The following DLGAP2 variants were observed in gnomAD, a reference collection of about 807,000 sequenced individuals.
DLGAP2 encodes the protein DLG associated protein 2, also known as disks large-associated protein 2.
DLGAP2 carries 26 observed loss-of-function variants against 100.3 expected under a neutral mutation model. The observed-to-expected ratio is 0.26, with a 90% CI of 0.19 to 0.36. The LOEUF (loss-of-function observed/expected upper bound fraction) is 0.36, where lower values mean the gene tolerates loss of function less well. Ranked by LOEUF, DLGAP2 falls within the 10% of genes least tolerant of loss-of-function variation. The pLI is 1.00. For synonymous variants in DLGAP2, 886 were observed against 630.1 expected (o/e 1.41, Z -6.08); for missense variants, 1,858 against 1,453.2 (o/e 1.28, Z -4.53).
intron 3 of DLGAP2, among the ~76,000 whole-genome samples, chr8:1,473,495 C>A (rs1798855661): frequency 6.6e-6 from 1 of 152,204 alleles, no homozygotes; most frequent in Admixed American, 6.5e-5. Context: ...ATATCACATT[C>A]TCAAAAAGGC....
chr8:780,864 A>T (rs1821664508), intron 1 of DLGAP2, among the ~76,000 whole-genome samples: 1 of 152,186 alleles, frequency 6.6e-6, no homozygotes, highest in South Asian at 2.1e-4. Context: ...TTTTCCAAGG[A>T]TCCAAAGGAA....
At chr8:1,140,004 AGGAACATG>A (rs1170839487) in intron 2 of DLGAP2, among the ~76,000 whole-genome samples, 2 of 152,192 alleles carry the variant, frequency 1.3e-5, no homozygotes, top group Non-Finnish European at 2.9e-5. Flanking sequence ...TCCACTGTGC[AGGAACATG>A]GCACATTTTC....
intron 8 of DLGAP2, among the ~76,000 whole-genome samples, chr8:1,645,035 G>A (rs1798007972): frequency 2.0e-5 from 3 of 152,172 alleles, no homozygotes; most frequent in African/African-American, 7.2e-5. Flanking sequence ...TTCAAGGTTA[G>A]AGAGAGCTCT....
chr8:1,179,029 G>A (rs139941428), intron 2 of DLGAP2, among the ~76,000 whole-genome samples: 29 of 152,322 alleles, frequency 1.9e-4, no homozygotes, highest in African/African-American at 6.5e-4. Context: ...AAAACTCCCA[G>A]CTTCTATAAG....
chr8:1,163,712 C>T (rs1796937192), intron 2 of DLGAP2, among the ~76,000 whole-genome samples: 1 of 152,152 alleles, frequency 6.6e-6, no homozygotes, highest in Non-Finnish European at 1.5e-5. Flanking sequence ...TGGGCACATT[C>T]GGTGGTAATT....
intron 12 of DLGAP2, 137 bp from the exon 13 acceptor site, chr8:1,691,398 G>A (rs750252012): frequency 3.9e-5 from 27 of 690,270 alleles, no homozygotes; most frequent in South Asian, 5.7e-5. Context: ...AGTCACCAGC[G>A]AACACGCTCG....
chr8:1,211,233 C>T (rs1045651139), intron 2 of DLGAP2, among the ~76,000 whole-genome samples: 9 of 152,210 alleles, frequency 5.9e-5, no homozygotes, highest in African/African-American at 2.2e-4. Context: ...GTTCATTTCC[C>T]AAGTAAAATC....
chr8:1,005,782 A>C (rs939555114), intron 2 of DLGAP2, among the ~76,000 whole-genome samples: 1 of 151,952 alleles, frequency 6.6e-6, no homozygotes, highest in South Asian at 2.1e-4. Flanking sequence ...AATCTGGATA[A>C]TCTCTCTTGT....
At chr8:1,554,929 G>A (rs1334880989) in intron 5 of DLGAP2, among the ~76,000 whole-genome samples, 1 of 152,220 alleles carries the variant, frequency 6.6e-6, no homozygotes, top group East Asian at 1.9e-4. Flanking sequence ...GCAAAAGAGG[G>A]AGAAAGGAGA....
chr8:1,305,277 T>G (rs1800464113), intron 3 of DLGAP2, among the ~76,000 whole-genome samples: 1 of 152,238 alleles, frequency 6.6e-6, no homozygotes, highest in African/African-American at 2.4e-5. Context: ...GTGAGGTGCC[T>G]GGTCTTCCGC....
At chr8:1,565,930 T>C in intron 6 of DLGAP2, 36 bp downstream of exon 6, 1 of 1,532,672 alleles carries the variant, frequency 6.5e-7, no homozygotes, top group Non-Finnish European at 8.8e-7. Context: ...CTCCAAGCAC[T>C]TTCCCACTGC....
chr8:1,626,939 T>A (rs376995517), intron 7 of DLGAP2, 52 bp downstream of exon 7: 1 of 1,543,822 alleles, frequency 6.5e-7, no homozygotes, highest in African/African-American at 1.4e-5. Flanking sequence ...CCAGCCAGGC[T>A]GGCACGGAGG....
intron 2 of DLGAP2, among the ~76,000 whole-genome samples, chr8:1,253,850 C>T (rs900258730): frequency 6.6e-6 from 1 of 152,172 alleles, no homozygotes; most frequent in African/African-American, 2.4e-5. Flanking sequence ...GGGAAGAATT[C>T]ATTGAAAGGG....
chr8:1,428,563 C>T (rs528263896), intron 3 of DLGAP2, among the ~76,000 whole-genome samples: 1 of 152,234 alleles, frequency 6.6e-6, no homozygotes, highest in Admixed American at 6.5e-5. Context: ...GTCAGATTGA[C>T]TGCTGGGAAC....
chr8:865,028 C>T (rs1438464678), intron 1 of DLGAP2, among the ~76,000 whole-genome samples: 1 of 152,092 alleles, frequency 6.6e-6, no homozygotes, highest in African/African-American at 2.4e-5. Flanking sequence ...ATGGAGTAAC[C>T]TTGTTTCCAT....
intron 3 of DLGAP2, among the ~76,000 whole-genome samples, chr8:1,310,155 T>C (rs1460795655): frequency 6.6e-6 from 1 of 151,622 alleles, no homozygotes; most frequent in Non-Finnish European, 1.5e-5. Context: ...ATATTATAAA[T>C]TTATCTTCAA....
chr8:852,056 C>T (rs1307850978), intron 1 of DLGAP2, among the ~76,000 whole-genome samples: 1 of 152,226 alleles, frequency 6.6e-6, no homozygotes. Flanking sequence ...CAAAGGCATG[C>T]AGCCTCCTGC....
At chr8:1,471,497 T>A (rs1396223593) in intron 3 of DLGAP2, among the ~76,000 whole-genome samples, 1 of 151,246 alleles carries the variant, frequency 6.6e-6, no homozygotes, top group African/African-American at 2.4e-5. Flanking sequence ...CTGTGCACCA[T>A]GGCCAACCCA....
chr8:1,229,171 C>G (rs139137772), intron 2 of DLGAP2, among the ~76,000 whole-genome samples: 1 of 151,848 alleles, frequency 6.6e-6, no homozygotes, highest in African/African-American at 2.4e-5. Context: ...AAAACTTATA[C>G]TCTGAAAACT....
Sources: allele counts gnomAD v4.1 joint callset (sites outside exome capture counted in the v4.1 genomes callset), GRCh38; gene constraint gnomAD v4.1.1; transcripts MANE v1.5; gene names NCBI Gene and HGNC (gene_info 2026-07-23, HGNC 2026-07-21).